ANO4: variants seen among roughly 807,000 people sequenced by gnomAD.
The protein encoded by ANO4 is anoctamin-4.
A neutral mutation model predicts 141.9 loss-of-function variants in ANO4; 69 were observed. That is an observed-to-expected ratio of 0.49 (90% CI 0.40 to 0.59). The LOEUF is 0.59. ANO4 is among the 20% of genes least tolerant of loss of function. The probability of loss-of-function intolerance (pLI) is 0.00; values close to 1 mark genes in which losing one functional copy is unlikely to be tolerated. For missense variants in ANO4, 894 were observed against 1,162.2 expected (o/e 0.77, Z 3.36); for synonymous variants, 350 against 394.3 (o/e 0.89, Z 1.33).
chr12:100,754,457 C>T (rs1181745015), intron 3 of ANO4, among the ~76,000 whole-genome samples: 3 of 149,776 alleles, frequency 2.0e-5, no homozygotes, highest in Non-Finnish European at 4.4e-5. Context: ...TTGTCTAAAA[C>T]ACTGATCTGA....
At chr12:101,093,268 G>C (rs796291298) in intron 17 of ANO4, among the ~76,000 whole-genome samples, 5 of 152,210 alleles carry the variant, frequency 3.3e-5, no homozygotes, top group African/African-American at 1.2e-4. Flanking sequence ...TCTCAGATAA[G>C]AGAATTCAAA....
chr12:101,040,258 C>T (rs1196928161), intron 11 of ANO4, among the ~76,000 whole-genome samples, 182 bp downstream of exon 11: 1 of 152,190 alleles, frequency 6.6e-6, no homozygotes, highest in Non-Finnish European at 1.5e-5. Context: ...AACCTACCAT[C>T]GCTCTGATGA....
At chr12:100,759,372 C>T (rs1319497593) in intron 3 of ANO4, among the ~76,000 whole-genome samples, 4 of 152,288 alleles carry the variant, frequency 2.6e-5, no homozygotes, top group South Asian at 2.1e-4. Flanking sequence ...TTCTTATCTT[C>T]GTGGCTGAGA....
chr12:100,858,417 ACTGT>A (rs926224951), intron 1 of ANO4, among the ~76,000 whole-genome samples: 4 of 152,158 alleles, frequency 2.6e-5, no homozygotes, highest in African/African-American at 4.8e-5. Flanking sequence ...GAGGCTCATG[ACTGT>A]CTAAGATAAA....
At chr12:100,844,399 C>T (rs2037450805) in intron 1 of ANO4, among the ~76,000 whole-genome samples, 1 of 152,012 alleles carries the variant, frequency 6.6e-6, no homozygotes, top group South Asian at 2.1e-4. Context: ...ACAGCAATTC[C>T]CCTGTGTTCT....
chr12:101,063,650 G>A (rs1342944420), intron 14 of ANO4, among the ~76,000 whole-genome samples: 1 of 145,730 alleles, frequency 6.9e-6, no homozygotes, highest in Admixed American at 6.9e-5. Context: ...TTGGTAAATT[G>A]TACCAGTGAT....
At chr12:101,061,716 T>C (rs1027679824) in intron 14 of ANO4, among the ~76,000 whole-genome samples, 3 of 151,976 alleles carry the variant, frequency 2.0e-5, no homozygotes, top group Admixed American at 2.0e-4. Flanking sequence ...TCTCATGCTG[T>C]GTTTTTCAGC....
intron 3 of ANO4, among the ~76,000 whole-genome samples, chr12:100,757,597 A>G (rs2032669721): frequency 6.6e-6 from 1 of 152,204 alleles, no homozygotes; most frequent in African/African-American, 2.4e-5. Flanking sequence ...TTTGCATTCA[A>G]GGAGAGTGAA....
chr12:100,879,030 G>T (rs1162743736), intron 1 of ANO4, among the ~76,000 whole-genome samples: 1 of 152,096 alleles, frequency 6.6e-6, no homozygotes, highest in African/African-American at 2.4e-5. Context: ...GGAGATGTTT[G>T]TCTTTTATCT....
intron 3 of ANO4, among the ~76,000 whole-genome samples, chr12:100,936,426 A>T (rs1052721925): frequency 1.3e-5 from 2 of 152,176 alleles, no homozygotes; most frequent in Non-Finnish European, 2.9e-5. Flanking sequence ...AACAATGTCA[A>T]ATATGGTCTG....
intron 1 of ANO4, among the ~76,000 whole-genome samples, chr12:100,880,287 A>G (rs1286736698): frequency 6.6e-6 from 1 of 152,194 alleles, no homozygotes; most frequent in South Asian, 2.1e-4. Flanking sequence ...TCTCAGTAAT[A>G]GCAGTGGTAG....
intron 9 of ANO4, among the ~76,000 whole-genome samples, chr12:101,036,567 A>T (rs1016868357): frequency 6.6e-6 from 1 of 152,254 alleles, no homozygotes; most frequent in Non-Finnish European, 1.5e-5. Context: ...CTTGGAAGGC[A>T]TCATGCTAGG....
At chr12:100,747,619 A>T (rs529657131) in intron 3 of ANO4, among the ~76,000 whole-genome samples, 20 of 152,332 alleles carry the variant, frequency 1.3e-4, no homozygotes, top group African/African-American at 4.8e-4. Context: ...TCACGCCTGT[A>T]ATCCCAGTAC....
intron 15 of ANO4, among the ~76,000 whole-genome samples, chr12:101,083,425 T>C (rs2049362314): frequency 6.6e-6 from 1 of 152,188 alleles, no homozygotes; most frequent in Non-Finnish European, 1.5e-5. Context: ...TTTTATAAGA[T>C]AACAGATAAA....
chr12:101,020,298 C>T (rs1023359937), intron 9 of ANO4, among the ~76,000 whole-genome samples, 158 bp downstream of exon 9: 2 of 152,168 alleles, frequency 1.3e-5, no homozygotes, highest in Non-Finnish European at 2.9e-5. Context: ...GTAAAATCTT[C>T]GTCGCATCCT....
At position 101,120,506 on chromosome 12, in the gene ANO4, C is replaced by CTG. The variant is rs747192313; in HGVS notation, c.2571-10_2571-9dup. 2 of 1,604,048 alleles carry CTG rather than the reference C, an allele frequency of 1.2e-6. No homozygotes were observed. Among genetic ancestry groups the CTG allele is most frequent in the East Asian group, 4.5e-5 (2 of 44,802 alleles). ...ATCATAGTTTGAATGCAACATTTTT[C>CTG]TGTGTCTTTATAGATACCGGGACTA... On this transcript the variant is annotated splice_polypyrimidine_tract_variant and intron_variant, in intron 25 of 27. Transcript: ENST00000392977.
At chr12:101,063,620 G>A (rs1432543659) in intron 14 of ANO4, among the ~76,000 whole-genome samples, 5 of 151,802 alleles carry the variant, frequency 3.3e-5, no homozygotes, top group African/African-American at 1.2e-4. Flanking sequence ...TAGAAATGGT[G>A]TTATTTCCAT....
At chr12:100,790,464 G>A (rs191406171), upstream of ANO4, among the ~76,000 whole-genome samples, 45 of 152,240 alleles carry the variant, frequency 3.0e-4, no homozygotes, top group African/African-American at 1.1e-3. Flanking sequence ...AAGTTTAGAG[G>A]TAACATTGGT....
At chr12:100,829,735 A>T (rs907920162) in intron 1 of ANO4, among the ~76,000 whole-genome samples, 1 of 152,120 alleles carries the variant, frequency 6.6e-6, no homozygotes, top group Non-Finnish European at 1.5e-5. Context: ...TAGCATGGGC[A>T]AAATCAGTTA....
Sources: gnomAD v4.1 joint callset for allele counts (sites outside exome capture counted in the v4.1 genomes callset) on GRCh38, gnomAD v4.1.1 for gene constraint, MANE v1.5 for transcripts, NCBI Gene and HGNC (gene_info 2026-07-23, HGNC 2026-07-21) for gene names.